Variants in NUTM2D observed in about 807,000 individuals in gnomAD.
NUTM2D encodes NUT family member 2D.
In NUTM2D, 2 loss-of-function variants were observed where a neutral mutation model predicts 43.5. That is an observed-to-expected ratio of 0.05 (90% CI 0.02 to 0.14). The LOEUF is 0.14. Among genes scored for constraint, NUTM2D ranks in the 10% least tolerant of loss-of-function variants. The pLI is 1.00. For synonymous variants in NUTM2D, 24 were observed against 276.6 expected (o/e 0.09, Z 9.06); for missense variants, 48 against 668.7 (o/e 0.07, Z 10.24).
At position 87,365,006 on chromosome 10, in the gene NUTM2D, C is replaced by A. The variant is rs1235120485; in HGVS notation, c.1321C>A (p.Pro441Thr). ...PAETKVPEEI[P>T]PEVVQEYVDI... is the part of the protein sequence containing the mutation. The stretch of plus-strand genomic sequence containing the variant: ...AGAGACCAAGGTCCCTGAGGAGATC[C>A]CCCCAGAAGTGGTGCAGGAGTATGT... The change falls in exon 5 of 7, where the codon CCC becomes ACC. Residue 441 changes from proline (P) to threonine (T), a missense_variant. Transcript: ENST00000381697. 3.4e-6 allele frequency: 3 copies of A among 886,674 alleles called. No individual in the cohort carries two copies. Among genetic ancestry groups the A allele is most frequent in the African/African-American group, 2.5e-5 (1 of 40,326 alleles). The allele number at this position is 886,674 out of a possible 1,614,324, so 54.9% of individuals were successfully genotyped here.
intron 5 of NUTM2D, among the ~76,000 whole-genome samples, chr10:87,365,466 T>G (rs1320765770): frequency 5.6e-5 from 7 of 125,894 alleles, no homozygotes; most frequent in Non-Finnish European, 1.0e-4. Context: ...GTGTCATATG[T>G]GGGTCTGTTT....
chr10:87,367,439 C>T, downstream of NUTM2D: 3 of 1,550,836 alleles, frequency 1.9e-6, no homozygotes, highest in Non-Finnish European at 2.7e-6. Flanking sequence ...CTTCTTGGGG[C>T]CCCCTCATCG....
At position 87,360,819 on chromosome 10, in the gene NUTM2D, G is replaced by C. The variant is rs745781828; in HGVS notation, c.505G>C (p.Val169Leu). The change falls in exon 2 of 7, where the codon GTT becomes CTT. Residue 169 changes from valine (V) to leucine (L), a missense_variant. Coordinates refer to ENST00000381697, the MANE Select transcript of NUTM2D (RefSeq NM_001382304.1). ...WQAPGALCGGVVCPPPLLLAA... is the reference protein window; with the variant it reads ...WQAPGALCGGLVCPPPLLLAA... ...GGCTCCAGGCGCCCTCTGCGGAGGT[G>C]TTGTGTGTCCACCTCCCCTACTCCT... The C allele has an allele frequency of 4.3e-6, 3 of 698,326 alleles. No homozygotes were observed. Among genetic ancestry groups the C allele is most frequent in the Non-Finnish European group, 5.9e-6 (3 of 506,264 alleles). The allele number at this position is 698,326 out of a possible 1,614,324, so 43.3% of individuals were successfully genotyped here. A position where few individuals can be genotyped will look rare whatever the true frequency, so the allele number is the denominator to read the frequency against.
chr10:87,365,231 G>T (rs1433658935), intron 5 of NUTM2D, 28 bp downstream of exon 5: 3 of 1,485,340 alleles, frequency 2.0e-6, no homozygotes, highest in South Asian at 2.7e-5. Flanking sequence ...GCTGGGGTCT[G>T]CTGGATTCCA....
Position 87,365,671 on chromosome 10 carries a change from TC to T in NUTM2D, c.1519-17del. The stretch of plus-strand genomic sequence containing the variant: ...CTCCCTGCCCAGGAAGCTCACGCCT[TC>T]TTCCTTCTGTTTCCAGGTGGAGGCC... On this transcript the variant is annotated splice_polypyrimidine_tract_variant and intron_variant, in intron 5 of 6. Transcript: ENST00000381697. 1 of 560,684 alleles carries T rather than the reference TC, an allele frequency of 1.8e-6. No individual in the cohort carries two copies. The highest frequency in any genetic ancestry group is 3.1e-6 in the Non-Finnish European group (1 of 321,506). 34.7% of individuals were successfully genotyped at this position (560,684 alleles called of 1,614,324 possible).
Position 87,364,917 on chromosome 10 carries a change from C to G in NUTM2D, c.1232C>G (p.Pro411Arg), listed in dbSNP as rs1248546227. 1 of 754,898 alleles carries G rather than the reference C, an allele frequency of 1.3e-6. No homozygotes were observed. Among genetic ancestry groups the G allele is most frequent in the African/African-American group, 3.4e-5 (1 of 29,124 alleles). The allele number at this position is 754,898 out of a possible 1,614,324, so 46.8% of individuals were successfully genotyped here. A position where few individuals can be genotyped will look rare whatever the true frequency, so the allele number is the denominator to read the frequency against. ...GTGACCAAGGCCCGCCGGCCACCAC[C>G]CCGGCCCCACCGGCGAGCAGAGACC... ...RPVTKARRPPPRPHRRAETKA... is the reference protein window; with the variant it reads ...RPVTKARRPPRRPHRRAETKA... The change falls in exon 5 of 7, where the codon CCC becomes CGC. Residue 411 changes from proline to arginine, a missense_variant. Physicochemically the swap from Pro to Arg is moderately radical, Grantham distance 103 (BLOSUM62 -2). Coordinates refer to ENST00000381697, the MANE Select transcript of NUTM2D (RefSeq NM_001382304.1).
chr10:87,369,659 A>T (rs1373953507), downstream of NUTM2D: 1 of 152,032 alleles, frequency 6.6e-6, no homozygotes, highest in African/African-American at 2.4e-5. Context: ...ACACAGTGAA[A>T]AGGAATCTGT....
At chr10:87,370,285 G>A (rs1217411792), downstream of NUTM2D, 2 of 152,048 alleles carry the variant, frequency 1.3e-5, no homozygotes, top group African/African-American at 2.4e-5. Flanking sequence ...GGTTTCCTGG[G>A]GATGTATGTT....
chr10:87,365,330 T>A (rs1424349605), intron 5 of NUTM2D, 127 bp downstream of exon 5: 1 of 1,550,886 alleles, frequency 6.4e-7, no homozygotes, highest in Non-Finnish European at 8.7e-7. Flanking sequence ...AGTGTCTGTG[T>A]ATGTGATTGT....
rs1398217010 is a variant in NUTM2D at position 87,361,382 on chromosome 10, C to T, written c.866+202C>T. ...TGTCAGGGGCCTCATCTCAACTGCC[C>T]GTCACTGTCTCGTGAGTCCAGCCAA... is the stretch of plus-strand genomic sequence containing the variant. On this transcript the variant is annotated intron_variant, in intron 2 of 6. Coordinates refer to ENST00000381697, the MANE Select transcript of NUTM2D (RefSeq NM_001382304.1). 5.6e-5 allele frequency among the ~76,000 whole-genome samples: 3 copies of T among 53,148 alleles called. 1 individual carries two copies. The highest frequency in any genetic ancestry group is 1.8e-4 in the African/African-American group (3 of 17,070). 34.9% of individuals were successfully genotyped at this position (53,148 alleles called of 152,430 possible).
chr10:87,367,449 G>A (rs530731711), downstream of NUTM2D: 112 of 1,476,426 alleles, frequency 7.6e-5, no homozygotes, highest in East Asian at 1.6e-3. Flanking sequence ...CCCCCTCATC[G>A]TTATCAGCAT....
downstream of NUTM2D, chr10:87,367,410 C>T: frequency 1.9e-6 from 3 of 1,591,720 alleles, no homozygotes; most frequent in East Asian, 6.7e-5. Flanking sequence ...CTCACAAGGC[C>T]CTGCCTGCTT....
chr10:87,367,416 T>G (rs778932629), downstream of NUTM2D: 6 of 1,588,120 alleles, frequency 3.8e-6, no homozygotes, highest in South Asian at 6.7e-5. Flanking sequence ...AGGCCCTGCC[T>G]GCTTTAGGGA....
Position 87,358,322 on chromosome 10 carries a change from A to T in NUTM2D, c.57A>T (p.Ala19=), listed in dbSNP as rs1431068444. The change falls in exon 1 of 7, where the codon GCA becomes GCT. Residue 19 remains alanine (A), a synonymous_variant. Transcript: ENST00000381697. ...TCCTGTTTCAGTTGGACTCAGGAGC[A>T]TCTGGTGAGCCAGGTCACTCTCTGG... The part of the protein sequence containing the change: ...QIFLFQLDSG[A]SGEPGHSLGL... 2 of 1,613,576 alleles carry T rather than the reference A, an allele frequency of 1.2e-6. No homozygotes were observed. Among genetic ancestry groups the T allele is most frequent in the Admixed American group, 1.7e-5 (1 of 60,030 alleles).
chr10:87,358,729 T>G (rs1850242254), intron 1 of NUTM2D, among the ~76,000 whole-genome samples: 1 of 87,118 alleles, frequency 1.1e-5, no homozygotes, highest in Admixed American at 1.3e-4. Flanking sequence ...CATTGTGTGT[T>G]TGTAGGGAGT....
chr10:87,369,173 AC>A (rs1850330701), downstream of NUTM2D: 1 of 95,024 alleles, frequency 1.1e-5, no homozygotes, highest in Non-Finnish European at 2.1e-5. Flanking sequence ...TGAAGCCCTA[AC>A]CCCCAACGTG....
rs572720303 is a variant in NUTM2D, at chr10:87,365,194, C to T, written c.1509C>T (p.Phe503=). The T allele has an allele frequency of 1.6e-4, 229 of 1,445,082 alleles. 6 individuals are homozygous for T. The East Asian group carries it at 3.2e-3, about 20-fold the overall frequency. 89.5% of individuals were successfully genotyped at this position (1,445,082 alleles called of 1,614,324 possible). A position where few individuals can be genotyped will look rare whatever the true frequency, so the allele number is the denominator to read the frequency against. The change falls in exon 5 of 7, where the codon TTC becomes TTT. Residue 503 remains phenylalanine, a synonymous_variant. Transcript: ENST00000381697. ...YTDKLCSQKD[F]VTKVEAVIHP... ...ACAAGCTGTGTTCCCAGAAAGACTT[C>T]GTCACCAAGGTGGGCTGGCCTGGAG... is the stretch of plus-strand genomic sequence containing the variant.
downstream of NUTM2D, chr10:87,368,460 AC>A (rs1375970511): frequency 2.1e-5 from 1 of 47,478 alleles, no homozygotes; most frequent in Non-Finnish European, 4.4e-5. Flanking sequence ...AGCTGTGGTC[AC>A]GGCCCTGGGG....
At chr10:87,367,274 G>T, downstream of NUTM2D, 5 of 1,587,136 alleles carry the variant, frequency 3.2e-6, no homozygotes, top group Non-Finnish European at 4.3e-6. Context: ...CAGAGGAACT[G>T]GCAGATGCCA....
Sources: gnomAD v4.1 joint callset for allele counts (sites outside exome capture counted in the v4.1 genomes callset) on GRCh38, gnomAD v4.1.1 for gene constraint, MANE v1.5 for transcripts, NCBI Gene and HGNC (gene_info 2026-07-23, HGNC 2026-07-21) for gene names.